AGXT2: variants seen among roughly 807,000 people sequenced by gnomAD.
The protein encoded by AGXT2 is alanine--glyoxylate aminotransferase 2, mitochondrial.
A neutral mutation model predicts 62.5 loss-of-function variants in AGXT2; 61 were observed. That is an observed-to-expected ratio of 0.98 (90% CI 0.79 to 1.21). AGXT2 has a LOEUF of 1.21. Among genes scored for constraint, AGXT2 ranks in the 50% most tolerant of loss-of-function variants. The probability of loss-of-function intolerance (pLI) is 0.00; values close to 1 mark genes in which losing one functional copy is unlikely to be tolerated. For synonymous variants in AGXT2, 243 were observed against 218.7 expected (o/e 1.11, Z -0.98); for missense variants, 666 against 641.5 (o/e 1.04, Z -0.41).
intron 11 of AGXT2, among the ~76,000 whole-genome samples, chr5:35,011,451 C>A (rs1003818776): frequency 4.6e-5 from 5 of 109,720 alleles, no homozygotes; most frequent in South Asian, 3.0e-4. Context: ...CAGAGCAAGA[C>A]TCTTTCTAAA....
rs187103515 is a variant in AGXT2, at chr5:35,034,456, C to A, written c.581+766G>T. Among the ~76,000 whole-genome samples, 237 of 152,196 alleles carry A rather than the reference C, an allele frequency of 1.6e-3. 1 individual carries two copies. Among genetic ancestry groups the A allele is most frequent in the African/African-American group, 5.6e-3 (232 of 41,522 alleles). On this transcript the variant is annotated intron_variant, in intron 5 of 13. Transcript: ENST00000231420. ...TGCTGTCATAAGGATTAAATAAAAT[C>A]TTCTTTTGAATTCACACAGAAATTA...
intron 10 of AGXT2, among the ~76,000 whole-genome samples, chr5:35,013,259 A>G (rs1218385729): frequency 6.6e-6 from 1 of 152,156 alleles, no homozygotes; most frequent in African/African-American, 2.4e-5. Flanking sequence ...GTATTTGGAG[A>G]TAGTGCGTTT....
At chr5:35,013,299 C>T (rs938724638) in intron 10 of AGXT2, among the ~76,000 whole-genome samples, 2 of 152,172 alleles carry the variant, frequency 1.3e-5, no homozygotes, top group African/African-American at 4.8e-5. Context: ...ATAAGGTCAT[C>T]AGGGTGGGGC....
At chr5:34,999,160 T>A (rs1378893768) in intron 13 of AGXT2, among the ~76,000 whole-genome samples, 1 of 152,150 alleles carries the variant, frequency 6.6e-6, no homozygotes, top group Non-Finnish European at 1.5e-5. Context: ...CCCAGCAAAC[T>A]CACTTCTCAC....
At chr5:35,017,598 C>T (rs1250237716) in intron 9 of AGXT2, among the ~76,000 whole-genome samples, 1 of 152,182 alleles carries the variant, frequency 6.6e-6, no homozygotes, top group East Asian at 1.9e-4. Context: ...TTAGGCCTCC[C>T]CAACCACATG....
chr5:35,028,620 A>AGAG (rs1561226861), intron 7 of AGXT2, among the ~76,000 whole-genome samples: 1,016 of 27,602 alleles, frequency 0.037, 285 homozygotes, highest in Middle Eastern at 0.067. Context: ...AGAGAGAGAG[A>AGAG]AATTCTTCTA....
intron 7 of AGXT2, among the ~76,000 whole-genome samples, chr5:35,030,757 T>C (rs1430124282): frequency 6.6e-6 from 1 of 152,196 alleles, no homozygotes; most frequent in African/African-American, 2.4e-5. Context: ...GACCACCTTT[T>C]AGTGCTTCCG....
chr5:35,029,354 T>C (rs757991926), intron 7 of AGXT2, among the ~76,000 whole-genome samples: 1 of 152,230 alleles, frequency 6.6e-6, no homozygotes, highest in Non-Finnish European at 1.5e-5. Flanking sequence ...GAGCTTAAAT[T>C]TGGGCAGAAC....
chr5:35,013,722 G>A lies in AGXT2; in HGVS notation c.1096+265C>T, dbSNP rs181679592. 2.7e-3 allele frequency among the ~76,000 whole-genome samples: 407 copies of A among 150,240 alleles called. 1 individual carries two copies. The highest frequency in any genetic ancestry group is 9.5e-3 in the African/African-American group (387 of 40,902). The stretch of plus-strand genomic sequence containing the variant: ...GCTTGCACCTGCGGAGGCAGAGGGT[G>A]CAATGAGCCAAGATTGTGCCACTGC... On this transcript the variant is annotated intron_variant, in intron 10 of 13. Coordinates refer to ENST00000231420, the MANE Select transcript of AGXT2 (RefSeq NM_031900.4).
At chr5:35,011,395 G>A (rs979645612) in intron 11 of AGXT2, among the ~76,000 whole-genome samples, 4 of 150,848 alleles carry the variant, frequency 2.7e-5, no homozygotes, top group African/African-American at 9.8e-5. Context: ...GGGAGGCAGA[G>A]GTTGCAGTGA....
intron 11 of AGXT2, among the ~76,000 whole-genome samples, chr5:35,010,873 C>A (rs1277084047): frequency 6.6e-6 from 1 of 152,068 alleles, no homozygotes; most frequent in African/African-American, 2.4e-5. Context: ...AGATGGTGAC[C>A]TTTGCTCAGC....
At chr5:35,018,432 G>T (rs1274820845) in intron 9 of AGXT2, among the ~76,000 whole-genome samples, 1 of 152,126 alleles carries the variant, frequency 6.6e-6, no homozygotes, top group African/African-American at 2.4e-5. Flanking sequence ...CGTTCTTAAA[G>T]AAAAGAATTT....
intron 1 of AGXT2, among the ~76,000 whole-genome samples, chr5:35,042,076 G>A (rs767292724): frequency 1.3e-5 from 2 of 152,080 alleles, no homozygotes; most frequent in Non-Finnish European, 1.5e-5. Flanking sequence ...AAATCCTTTC[G>A]TTTCTTCAGT....
At chr5:35,035,141 C>G (rs1417858132) in intron 5 of AGXT2, 81 bp downstream of exon 5, 4 of 1,230,410 alleles carry the variant, frequency 3.3e-6, no homozygotes, top group African/African-American at 3.0e-5. Flanking sequence ...CTCTCCCACT[C>G]CATGCTACAA....
intron 13 of AGXT2, among the ~76,000 whole-genome samples, chr5:35,001,944 C>T (rs1043290097): frequency 6.6e-6 from 1 of 151,992 alleles, no homozygotes; most frequent in Non-Finnish European, 1.5e-5. Context: ...TATTTATCAC[C>T]GTATTAGGTT....
chr5:35,009,732 G>A lies in AGXT2; in HGVS notation c.1338+268C>T, dbSNP rs555833527. ...CCCTTCCCTGTATTTCTAAGTATTC[G>A]GTCATTGCCTATGCTATTTGCCTAG... On this transcript the variant is annotated intron_variant, in intron 12 of 13. Transcript: ENST00000231420. 5.9e-5 allele frequency among the ~76,000 whole-genome samples: 9 copies of A among 151,968 alleles called. No individual in the cohort carries two copies. In the South Asian group the frequency reaches 8.3e-4, roughly 14 times the overall value.
At chr5:35,032,015 T>A (rs1478238435) in intron 7 of AGXT2, among the ~76,000 whole-genome samples, 2 of 150,466 alleles carry the variant, frequency 1.3e-5, no homozygotes, top group Admixed American at 1.3e-4. Context: ...TGCAGTGGCG[T>A]TATCTCAGTT....
intron 4 of AGXT2, 111 bp from the exon 5 acceptor site, chr5:35,035,427 T>C (rs928405776): frequency 1.6e-5 from 14 of 865,268 alleles, no homozygotes; most frequent in Non-Finnish European, 2.7e-5. Flanking sequence ...GAGAGTTCCC[T>C]TCAGACCAGC....
At chr5:35,025,678 TG>T (rs1197122242) in intron 9 of AGXT2, 84 bp downstream of exon 9, 28 of 1,415,938 alleles carry the variant, frequency 2.0e-5, no homozygotes, top group Non-Finnish European at 2.8e-5. Flanking sequence ...GCTTTCTGCC[TG>T]GAACACAGAG....
Sources: allele counts gnomAD v4.1 joint callset (sites outside exome capture counted in the v4.1 genomes callset), GRCh38; gene constraint gnomAD v4.1.1; transcripts MANE v1.5; gene names NCBI Gene and HGNC (gene_info 2026-07-23, HGNC 2026-07-21).